Variants in ST6GALNAC5 observed in about 807,000 individuals in gnomAD.
The protein encoded by ST6GALNAC5 is alpha-N-acetylgalactosaminide alpha-2,6-sialyltransferase 5.
A neutral mutation model predicts 33.6 loss-of-function variants in ST6GALNAC5; 27 were observed. That is an observed-to-expected ratio of 0.80 (90% confidence interval 0.59 to 1.11). ST6GALNAC5 has a LOEUF of 1.11. Among genes scored for constraint, ST6GALNAC5 ranks in the 50% least tolerant of loss-of-function variants. The pLI is 0.00. For synonymous variants in ST6GALNAC5, 194 were observed against 171.2 expected (o/e 1.13, Z -1.04); for missense variants, 428 against 454.0 (o/e 0.94, Z 0.52).
At chr1:77,003,727 A>G (rs1358938993) in intron 2 of ST6GALNAC5, among the ~76,000 whole-genome samples, 2 of 151,364 alleles carry the variant, frequency 1.3e-5, no homozygotes, top group Admixed American at 1.3e-4. Flanking sequence ...TCTGTAAAGG[A>G]TTTTATTTCT....
chr1:76,993,425 G>A (rs1404211066), intron 2 of ST6GALNAC5, among the ~76,000 whole-genome samples: 1 of 152,148 alleles, frequency 6.6e-6, no homozygotes, highest in South Asian at 2.1e-4. Context: ...GAGCATTCTT[G>A]GTACCCATTA....
chr1:77,057,021 A>G (rs1275629179), intron 4 of ST6GALNAC5, among the ~76,000 whole-genome samples: 1 of 152,234 alleles, frequency 6.6e-6, no homozygotes. Flanking sequence ...AGTGTCACCA[A>G]GCCCCCAGAG....
At chr1:76,979,261 GA>G (rs539603137) in intron 2 of ST6GALNAC5, among the ~76,000 whole-genome samples, 9 of 150,176 alleles carry the variant, frequency 6.0e-5, no homozygotes, top group South Asian at 2.1e-4. Flanking sequence ...TACAGAAATG[GA>G]AAAAAAAATC....
chr1:76,988,966 C>T (rs1649617104), intron 2 of ST6GALNAC5, among the ~76,000 whole-genome samples: 1 of 152,110 alleles, frequency 6.6e-6, no homozygotes, highest in Admixed American at 6.6e-5. Flanking sequence ...ATATTCTTAT[C>T]TCAAAGTCTC....
chr1:76,915,875 C>CA (rs527844179), intron 2 of ST6GALNAC5, among the ~76,000 whole-genome samples: 16,024 of 138,938 alleles, frequency 0.12, 954 homozygotes, highest in Non-Finnish European at 0.13. Flanking sequence ...TGAAAAATAA[C>CA]AAAAAAAAAA....
intron 2 of ST6GALNAC5, among the ~76,000 whole-genome samples, chr1:77,038,234 G>T (rs943569184): frequency 7.9e-5 from 12 of 152,182 alleles, no homozygotes; most frequent in African/African-American, 2.2e-4. Flanking sequence ...AAGGCTGGTG[G>T]GTGGGCTTGT....
intron 3 of ST6GALNAC5, among the ~76,000 whole-genome samples, chr1:77,047,812 T>TC (rs1307216854): frequency 6.6e-6 from 1 of 152,230 alleles, no homozygotes; most frequent in African/African-American, 2.4e-5. Flanking sequence ...TGTAATTTAG[T>TC]ATGCACTATA....
intron 2 of ST6GALNAC5, among the ~76,000 whole-genome samples, chr1:76,913,244 G>T (rs1253055107): frequency 6.6e-6 from 1 of 151,570 alleles, no homozygotes; most frequent in Non-Finnish European, 1.5e-5. Flanking sequence ...TTGAATATTG[G>T]CCCCCACTCT....
At chr1:76,896,167 C>A (rs189403141) in intron 2 of ST6GALNAC5, among the ~76,000 whole-genome samples, 1 of 152,272 alleles carries the variant, frequency 6.6e-6, no homozygotes, top group Admixed American at 6.5e-5. Context: ...TTGTGTCTGA[C>A]AGAAGGGAAG....
intron 2 of ST6GALNAC5, among the ~76,000 whole-genome samples, chr1:77,031,479 T>A (rs969258847): frequency 2.0e-5 from 3 of 152,212 alleles, no homozygotes; most frequent in African/African-American, 7.2e-5. Flanking sequence ...TTTGCAGTCG[T>A]CAGTGTCCAG....
intron 2 of ST6GALNAC5, among the ~76,000 whole-genome samples, chr1:76,900,749 TTA>T (rs1415502946): frequency 6.6e-5 from 10 of 152,350 alleles, no homozygotes; most frequent in African/African-American, 2.2e-4. Flanking sequence ...ATAACCTTTC[TTA>T]TGTTTCTTGC....
intron 2 of ST6GALNAC5, among the ~76,000 whole-genome samples, chr1:76,886,622 T>A (rs1309969056): frequency 6.6e-6 from 1 of 152,196 alleles, no homozygotes; most frequent in African/African-American, 2.4e-5. Context: ...CCTTTGGCCG[T>A]TAGATTGAAC....
chr1:77,062,926 GA>G (rs35681650), intron 4 of ST6GALNAC5, 48 bp from the exon 5 acceptor site: 51 of 1,509,150 alleles, frequency 3.4e-5, no homozygotes, highest in African/African-American at 5.5e-5. Flanking sequence ...TCAGTCAAAG[GA>G]AAAAAAATTT....
At chr1:76,895,721 G>A (rs1654116629) in intron 2 of ST6GALNAC5, among the ~76,000 whole-genome samples, 1 of 151,960 alleles carries the variant, frequency 6.6e-6, no homozygotes, top group Admixed American at 6.6e-5. Context: ...GTAAACAAGA[G>A]CAGGGCATGT....
At chr1:77,036,785 A>G (rs1201880364) in intron 2 of ST6GALNAC5, among the ~76,000 whole-genome samples, 1 of 152,278 alleles carries the variant, frequency 6.6e-6, no homozygotes, top group Non-Finnish European at 1.5e-5. Context: ...TGCTGAAGAT[A>G]CTGTGTGAAT....
intron 2 of ST6GALNAC5, among the ~76,000 whole-genome samples, chr1:76,873,988 A>G (rs1378763019): frequency 6.6e-6 from 1 of 152,242 alleles, no homozygotes. Flanking sequence ...GAAAAGTTCA[A>G]TAATAAGGCA....
chr1:76,961,474 G>T (rs1648238415), intron 2 of ST6GALNAC5, among the ~76,000 whole-genome samples: 1 of 152,170 alleles, frequency 6.6e-6, no homozygotes, highest in Non-Finnish European at 1.5e-5. Flanking sequence ...ATTGTCTTGG[G>T]GTGAGGAACA....
chr1:76,881,409 A>G (rs1338238912), intron 2 of ST6GALNAC5, among the ~76,000 whole-genome samples: 1 of 152,114 alleles, frequency 6.6e-6, no homozygotes, highest in African/African-American at 2.4e-5. Context: ...CTGCAGTGAA[A>G]CCTTCCCTGA....
intron 2 of ST6GALNAC5, among the ~76,000 whole-genome samples, chr1:77,042,641 C>T (rs368798790): frequency 9.2e-5 from 14 of 152,306 alleles, no homozygotes; most frequent in African/African-American, 2.6e-4. Context: ...CAAAAGGCTC[C>T]GCACTGACCA....
Sources: gnomAD v4.1 joint callset for allele counts (sites outside exome capture counted in the v4.1 genomes callset) on GRCh38, gnomAD v4.1.1 for gene constraint, MANE v1.5 for transcripts, NCBI Gene and HGNC (gene_info 2026-07-23, HGNC 2026-07-21) for gene names.